DYM: variants seen among roughly 807,000 people sequenced by gnomAD.
DYM encodes dyggve-Melchior-Clausen syndrome protein.
A neutral mutation model predicts 93.1 loss-of-function variants in DYM; 78 were observed. The ratio of observed to expected loss-of-function variants is 0.84; its 90% CI spans 0.70 to 1.01. DYM has a LOEUF of 1.01. DYM is among the 50% of genes least tolerant of loss of function. The probability of loss-of-function intolerance (pLI) is 0.00; values close to 1 mark genes in which losing one functional copy is unlikely to be tolerated. For missense variants in DYM, 789 were observed against 845.0 expected (o/e 0.93, Z 0.82); for synonymous variants, 321 against 319.7 (o/e 1.00, Z -0.04).
chr18:49,053,044 AGCT>A (rs1326819246), intron 17 of DYM, among the ~76,000 whole-genome samples: 3 of 152,330 alleles, frequency 2.0e-5, no homozygotes, highest in African/African-American at 7.2e-5. Context: ...CTCAATCCAA[AGCT>A]ACTTACAGCA....
At chr18:49,095,712 T>C (rs1441586889) in intron 17 of DYM, among the ~76,000 whole-genome samples, 1 of 152,236 alleles carries the variant, frequency 6.6e-6, no homozygotes, top group Non-Finnish European at 1.5e-5. Flanking sequence ...AAGAGTTACA[T>C]TTTTGTTTAT....
At chr18:49,133,343 A>C (rs1377844651) in intron 15 of DYM, among the ~76,000 whole-genome samples, 2 of 152,204 alleles carry the variant, frequency 1.3e-5, no homozygotes, top group Non-Finnish European at 2.9e-5. Context: ...AATTTTCATC[A>C]TCCCTGAATT....
At chr18:49,318,738 A>G (rs1407112148) in intron 8 of DYM, among the ~76,000 whole-genome samples, 1 of 151,668 alleles carries the variant, frequency 6.6e-6, no homozygotes, top group African/African-American at 2.4e-5. Context: ...TTTTTTAGTT[A>G]CTCAAATAGC....
intron 13 of DYM, among the ~76,000 whole-genome samples, chr18:49,222,616 T>C (rs112269969): frequency 0.011 from 1,640 of 152,026 alleles, 29 homozygotes; most frequent in African/African-American, 0.038. Flanking sequence ...ACAATCTATA[T>C]GGACAATATG....
intron 6 of DYM, among the ~76,000 whole-genome samples, chr18:49,359,019 C>A (rs898693199): frequency 2.0e-5 from 3 of 152,228 alleles, no homozygotes; most frequent in East Asian, 3.8e-4. Flanking sequence ...TTGGTTCCCA[C>A]AAGTCTCATT....
chr18:49,289,808 T>TATAC (rs1555678828), intron 8 of DYM, among the ~76,000 whole-genome samples: 45 of 126,992 alleles, frequency 3.5e-4, no homozygotes, highest in Admixed American at 6.5e-4. Context: ...TATATATATA[T>TATAC]ACACATATAT....
chr18:49,300,870 A>C (rs970195834), intron 8 of DYM, among the ~76,000 whole-genome samples: 1 of 152,052 alleles, frequency 6.6e-6, no homozygotes, highest in Non-Finnish European at 1.5e-5. Flanking sequence ...AGTAACTACT[A>C]CTCCCTAGTT....
intron 3 of DYM, among the ~76,000 whole-genome samples, chr18:49,389,508 G>A (rs950387402): frequency 1.7e-4 from 26 of 150,846 alleles, no homozygotes; most frequent in South Asian, 4.2e-4. Flanking sequence ...GCTTTTTTTC[G>A]CCCCTAGATT....
At chr18:49,064,759 C>T (rs1014217073) in intron 17 of DYM, among the ~76,000 whole-genome samples, 4 of 151,964 alleles carry the variant, frequency 2.6e-5, no homozygotes, top group African/African-American at 9.7e-5. Context: ...TTCCTTTTCA[C>T]ACTTCTAAAT....
chr18:49,148,238 T>C (rs1039806060), intron 15 of DYM, among the ~76,000 whole-genome samples: 7 of 152,014 alleles, frequency 4.6e-5, no homozygotes, highest in Admixed American at 1.3e-4. Context: ...ATATACCTAA[T>C]GTTAAATGAA....
Position 49,038,446 on chromosome 18 carries a change from G to A in DYM, c.*5609C>T, listed in dbSNP as rs1412985185. On this transcript the variant is annotated 3_prime_UTR_variant, in exon 18 of 18. Coordinates refer to ENST00000675505, the MANE Select transcript of DYM (RefSeq NM_001353214.3). ...CCTTTTATTTCTTAAAAAAATTATT[G>A]CCTTAAAGTTTACTTAAATATATCT... Among the ~76,000 whole-genome samples the A allele has an allele frequency of 6.6e-6, 1 of 151,650 alleles. No individual in the cohort carries two copies. The highest frequency in any genetic ancestry group is 1.5e-5 in the Non-Finnish European group (1 of 67,908).
At chr18:49,229,309 T>G (rs1021473691) in intron 13 of DYM, among the ~76,000 whole-genome samples, 6 of 152,152 alleles carry the variant, frequency 3.9e-5, no homozygotes, top group African/African-American at 1.4e-4. Flanking sequence ...ATAGATTATT[T>G]GAAATGTTGA....
At chr18:49,351,524 C>G (rs1449258114) in intron 6 of DYM, among the ~76,000 whole-genome samples, 1 of 151,484 alleles carries the variant, frequency 6.6e-6, no homozygotes, top group East Asian at 1.9e-4. Context: ...CACACTAACA[C>G]ATCACCATAT....
At chr18:49,459,987 C>T (rs1368670456) in intron 1 of DYM, among the ~76,000 whole-genome samples, 1 of 151,930 alleles carries the variant, frequency 6.6e-6, no homozygotes, top group Non-Finnish European at 1.5e-5. Context: ...TGTGAATATA[C>T]TAAAAACCAC....
At chr18:49,139,641 G>A (rs1337573909) in intron 15 of DYM, among the ~76,000 whole-genome samples, 2 of 152,160 alleles carry the variant, frequency 1.3e-5, no homozygotes, top group African/African-American at 2.4e-5. Flanking sequence ...TGGCAGTTAA[G>A]CAAATCCCCT....
intron 6 of DYM, 149 bp downstream of exon 6, chr18:49,363,010 AGG>A (rs1358732495): frequency 1.5e-6 from 1 of 667,768 alleles, no homozygotes; most frequent in African/African-American, 1.8e-5. Context: ...TCTAAATATT[AGG>A]TAGAGAGAAA....
chr18:49,053,907 G>A (rs1031826480), intron 17 of DYM, among the ~76,000 whole-genome samples: 4 of 152,176 alleles, frequency 2.6e-5, no homozygotes, highest in African/African-American at 7.2e-5. Flanking sequence ...GTCAGTTAGC[G>A]GGAGGAAACA....
intron 2 of DYM, among the ~76,000 whole-genome samples, chr18:49,422,905 T>G (rs915041953): frequency 4.6e-5 from 7 of 152,066 alleles, no homozygotes; most frequent in African/African-American, 1.7e-4. Context: ...AGCAAGTCCT[T>G]AGAGACCTAC....
intron 2 of DYM, among the ~76,000 whole-genome samples, chr18:49,414,882 A>G (rs1425705116): frequency 6.6e-6 from 1 of 152,198 alleles, no homozygotes; most frequent in Non-Finnish European, 1.5e-5. Flanking sequence ...TATAAACTGC[A>G]TGAGAGCAGG....
Sources: gnomAD v4.1 joint callset for allele counts (sites outside exome capture counted in the v4.1 genomes callset) on GRCh38, gnomAD v4.1.1 for gene constraint, MANE v1.5 for transcripts, NCBI Gene and HGNC (gene_info 2026-07-23, HGNC 2026-07-21) for gene names.